MAMDC2: variants seen among roughly 807,000 people sequenced by gnomAD.
MAMDC2 encodes the protein MAM domain containing 2.
A neutral mutation model predicts 89.8 loss-of-function variants in MAMDC2; 57 were observed. That is an observed-to-expected ratio of 0.63 (90% CI 0.51 to 0.79). The LOEUF (loss-of-function observed/expected upper bound fraction) is 0.79. MAMDC2 is among the 30% of genes least tolerant of loss of function. The pLI is 0.00. For synonymous variants in MAMDC2, 313 were observed against 293.4 expected (o/e 1.07, Z -0.68); for missense variants, 800 against 820.6 (o/e 0.97, Z 0.31).
intron 2 of MAMDC2, among the ~76,000 whole-genome samples, chr9:70,065,899 G>A (rs1194621801): frequency 6.6e-6 from 1 of 152,070 alleles, no homozygotes; most frequent in East Asian, 1.9e-4. Flanking sequence ...GCCAAATGTT[G>A]TTCTTGAGCA....
chr9:70,108,420 G>A lies in MAMDC2; in HGVS notation c.358G>A (p.Glu120Lys), dbSNP rs140390474. 6.2e-7 allele frequency: 1 copy of A among 1,613,810 alleles called. No individual in the cohort carries two copies. Among genetic ancestry groups the A allele is most frequent in the Non-Finnish European group, 8.5e-7 (1 of 1,179,888 alleles). The stretch of plus-strand genomic sequence containing the variant: ...TGATCGCTTGCTTTGGTCAGCTAAG[G>A]AACCTTCAGACAGCTGGCTCATAGC... ...SFDRLLWSAK[E>K]PSDSWLIASL... is the part of the protein sequence containing the mutation. Residue 120 changes from glutamate (E) to lysine (K), a missense_variant, in exon 3 of 14, where the codon GAA (glutamate) becomes AAA (lysine). By Grantham distance (56) the Glu-to-Lys change is moderately conservative. Transcript: ENST00000377182.
At chr9:70,121,402 A>AT (rs919492001) in intron 5 of MAMDC2, among the ~76,000 whole-genome samples, 89 of 150,610 alleles carry the variant, frequency 5.9e-4, no homozygotes, top group African/African-American at 1.8e-3. Flanking sequence ...CTGAATTTGA[A>AT]TTTTTTTTTT....
chr9:70,097,229 G>T (rs536633250), intron 2 of MAMDC2, among the ~76,000 whole-genome samples: 1 of 152,152 alleles, frequency 6.6e-6, no homozygotes, highest in Non-Finnish European at 1.5e-5. Flanking sequence ...CCCTATTAAG[G>T]TTCTCTGGAG....
At position 70,108,244 on chromosome 9, in the gene MAMDC2, A is replaced by T; in HGVS notation, c.182A>T (p.Lys61Met). 6.2e-7 allele frequency: 1 copy of T among 1,609,878 alleles called. No homozygotes were observed. The highest frequency in any genetic ancestry group is 1.3e-5 in the African/African-American group (1 of 74,768). The change falls in exon 3 of 14, where the codon AAG (lysine) becomes ATG (methionine). Residue 61 changes from lysine (K) to methionine (M), a missense_variant. Lys to Met is a moderately conservative substitution (Grantham distance 95, BLOSUM62 -1). Transcript: ENST00000377182. ...HYIYVDTSFG[K>M]QGEKAVLLSP... Reference sequence around the variant, plus strand: ...ATTTATGTGGATACCTCCTTTGGCAAGCAGGGGGAGAAAGCTGTGCTGCTA... The same window carrying T: ...ATTTATGTGGATACCTCCTTTGGCATGCAGGGGGAGAAAGCTGTGCTGCTA...
chr9:70,084,032 C>T (rs1312911337), intron 2 of MAMDC2, among the ~76,000 whole-genome samples: 1 of 152,086 alleles, frequency 6.6e-6, no homozygotes, highest in Non-Finnish European at 1.5e-5. Context: ...GATCTCGAGC[C>T]ATACAAAGAA....
chr9:70,186,158 T>A (rs1438237642), intron 11 of MAMDC2, among the ~76,000 whole-genome samples: 1 of 152,126 alleles, frequency 6.6e-6, no homozygotes, highest in Non-Finnish European at 1.5e-5. Flanking sequence ...GTTTTTTAAA[T>A]CCTAAAAAGT....
At chr9:70,178,922 G>A (rs1704403378) in intron 11 of MAMDC2, among the ~76,000 whole-genome samples, 1 of 152,142 alleles carries the variant, frequency 6.6e-6, no homozygotes, top group African/African-American at 2.4e-5. Context: ...CAGTGTGGCA[G>A]CTTTCGAAGA....
chr9:70,065,711 T>C (rs1176654940), intron 2 of MAMDC2, among the ~76,000 whole-genome samples: 1 of 152,122 alleles, frequency 6.6e-6, no homozygotes, highest in Admixed American at 6.5e-5. Context: ...GGTCATTGGG[T>C]TGAGACATTG....
chr9:70,191,114 C>G lies in MAMDC2; in HGVS notation c.1651+20483C>G, dbSNP rs1314648583. On this transcript the variant is annotated intron_variant, in intron 11 of 13. Transcript: ENST00000377182. ...AGGAGGTTTAGTCAGGTTTAGGAGC[C>G]TGACTGAAGTTCAGTCAAGCAAAGA... Among the ~76,000 whole-genome samples, 3 of 152,074 alleles carry G rather than the reference C, an allele frequency of 2.0e-5. No individual in the cohort carries two copies. The East Asian group carries it at 5.8e-4, about 29-fold the overall frequency.
At chr9:70,204,971 G>A (rs1345645842) in intron 11 of MAMDC2, among the ~76,000 whole-genome samples, 1 of 152,210 alleles carries the variant, frequency 6.6e-6, no homozygotes, top group East Asian at 1.9e-4. Context: ...TCCCTAGTGA[G>A]ATGCACCCGG....
At chr9:70,169,711 G>A (rs921807594) in intron 10 of MAMDC2, 3 of 152,140 alleles carry the variant, frequency 2.0e-5, no homozygotes, top group African/African-American at 7.2e-5. Context: ...ACCAAGTTTA[G>A]TCAAAGGAAA....
In MAMDC2 at chr9:70,140,208, A is replaced by T; in HGVS notation, c.1058A>T (p.Gln353Leu). ...GAGCAAGATCTCTGCAACTTTTACCAAGATAAAGAAGGTCCAGGTTGGACC... is the reference window on the plus strand; with the variant it reads ...GAGCAAGATCTCTGCAACTTTTACCTAGATAAAGAAGGTCCAGGTTGGACC... ...NFEQDLCNFY[Q>L]DKEGPGWTRV... Residue 353 changes from glutamine to leucine, a missense_variant, in exon 8 of 14, where the codon CAA (glutamine) becomes CTA (leucine). Physicochemically the swap from Gln to Leu is moderately radical, Grantham distance 113. Coordinates refer to ENST00000377182, the MANE Select transcript of MAMDC2 (RefSeq NM_153267.5). 6.3e-7 allele frequency: 1 copy of T among 1,596,086 alleles called. No individual in the cohort carries two copies. Among genetic ancestry groups the T allele is most frequent in the Non-Finnish European group, 8.5e-7 (1 of 1,174,548 alleles).
intron 2 of MAMDC2, among the ~76,000 whole-genome samples, chr9:70,049,726 A>G (rs1488253735): frequency 6.6e-6 from 1 of 151,968 alleles, no homozygotes. Context: ...GAGATGGTCG[A>G]CCCCAGAAAT....
chr9:70,094,365 A>G (rs1056352370), intron 2 of MAMDC2, among the ~76,000 whole-genome samples: 1 of 152,194 alleles, frequency 6.6e-6, no homozygotes, highest in Non-Finnish European at 1.5e-5. Context: ...ACACACTGAA[A>G]CATTTTCTAA....
intron 2 of MAMDC2, chr9:70,087,416 CCTT>C (rs1827793953): frequency 6.6e-6 from 1 of 152,218 alleles, no homozygotes; most frequent in East Asian, 1.9e-4. Flanking sequence ...TTTTCATGGA[CCTT>C]CTTCATGGAC....
Position 70,108,377 on chromosome 9 carries a change from A to C in MAMDC2, c.315A>C (p.Arg105Ser), listed in dbSNP as rs759263363. Residue 105 changes from arginine to serine, a missense_variant, in exon 3 of 14, where the codon AGA becomes AGC. Physicochemically the swap from Arg to Ser is moderately radical, Grantham distance 110. Transcript: ENST00000377182. ...SDPSQLNLYM[R>S]FEDESFDRLL... Reference sequence around the variant, plus strand: ...CCAGCCAGCTGAACCTCTACATGAGATTTGAAGATGAAAGCTTTGATCGCT... The same window carrying C: ...CCAGCCAGCTGAACCTCTACATGAGCTTTGAAGATGAAAGCTTTGATCGCT... The C allele has an allele frequency of 3.1e-6, 5 of 1,614,100 alleles. No homozygotes were observed. Among genetic ancestry groups the C allele is most frequent in the Admixed American group, 1.7e-5 (1 of 60,028 alleles).
At chr9:70,210,197 T>C (rs2033322169) in intron 11 of MAMDC2, among the ~76,000 whole-genome samples, 1 of 152,206 alleles carries the variant, frequency 6.6e-6, no homozygotes, top group Non-Finnish European at 1.5e-5. Context: ...CCTTGTTAAC[T>C]TTCTGTCTCG....
At chr9:70,144,548 C>A (rs534406068) in intron 9 of MAMDC2, among the ~76,000 whole-genome samples, 1 of 152,300 alleles carries the variant, frequency 6.6e-6, no homozygotes, top group African/African-American at 2.4e-5. Flanking sequence ...TTTGCTTCAG[C>A]CTGTGTCAGT....
intron 11 of MAMDC2, among the ~76,000 whole-genome samples, chr9:70,203,290 T>C (rs1194676125): frequency 1.3e-5 from 2 of 151,630 alleles, no homozygotes; most frequent in African/African-American, 4.9e-5. Context: ...GTCTGTAAAG[T>C]ATTTTATTTC....
Sources: gnomAD v4.1 joint callset for allele counts (sites outside exome capture counted in the v4.1 genomes callset) on GRCh38, gnomAD v4.1.1 for gene constraint, MANE v1.5 for transcripts, NCBI Gene and HGNC (gene_info 2026-07-23, HGNC 2026-07-21) for gene names.